Variants in CSNK1E observed in about 807,000 individuals in gnomAD.
CSNK1E encodes casein kinase 1 epsilon, also known as casein kinase I isoform epsilon.
Under a neutral mutation model 46.1 loss-of-function variants are expected in CSNK1E, and 17 were observed. The observed-to-expected ratio is 0.37, with a 90% CI of 0.25 to 0.55. CSNK1E has a LOEUF of 0.55. Ranked by LOEUF, CSNK1E falls within the 20% of genes least tolerant of loss-of-function variation. The pLI, the probability that CSNK1E is intolerant of heterozygous loss-of-function variation, is 0.82. For missense variants in CSNK1E, 386 were observed against 595.4 expected (o/e 0.65, Z 3.66); for synonymous variants, 241 against 242.6 (o/e 0.99, Z 0.06).
chr22:38,302,808 G>A (rs1361132233), intron 4 of CSNK1E, 53 bp downstream of exon 4: 28 of 1,604,138 alleles, frequency 1.7e-5, no homozygotes, highest in Non-Finnish European at 2.1e-5. Context: ...AGGCAGGGCT[G>A]GTATCCTGGG....
chr22:38,308,487 C>T (rs894479076), intron 2 of CSNK1E, among the ~76,000 whole-genome samples: 2 of 152,114 alleles, frequency 1.3e-5, no homozygotes, highest in Non-Finnish European at 2.9e-5. Context: ...CTGACTCGGA[C>T]ATCCCCTGGC....
Position 38,300,683 on chromosome 22 carries a change from G to A in CSNK1E, c.565+41C>T. 6.9e-6 allele frequency: 11 copies of A among 1,589,572 alleles called. No homozygotes were observed. Among genetic ancestry groups the A allele is most frequent in the Non-Finnish European group, 9.5e-6 (11 of 1,160,020 alleles). ...GCTCCAGAGAGCTGGGCCCCAGCCAGTGGCCCCGGGTGCACACTGCTCCAG... is the reference window on the plus strand; with the variant it reads ...GCTCCAGAGAGCTGGGCCCCAGCCAATGGCCCCGGGTGCACACTGCTCCAG... On this transcript the variant is annotated intron_variant, in intron 5 of 10. Transcript: ENST00000396832. This position sits in a 1 kb window ranked among gnomAD's most constrained non-coding sequence, Gnocchi z 4.4.
In CSNK1E at chr22:38,302,904, C is replaced by A. The variant is rs868029992; in HGVS notation, c.293G>T (p.Arg98Leu). Residue 98 changes from arginine to leucine, a missense_variant, in exon 4 of 11, where the codon CGC becomes CTC. Arg to Leu is a moderately radical substitution (Grantham distance 102, BLOSUM62 -2). Coordinates refer to ENST00000396832, the MANE Select transcript of CSNK1E (RefSeq NM_152221.3). ...CAGCACCGTCTTGAGGCTGAATTTG[C>A]GGGAACAGAAGTTGAACAGGTCCTC... The part of the protein sequence containing the change: ...SLEDLFNFCS[R>L]KFSLKTVLLL... 1 of 1,613,992 alleles carries A rather than the reference C, an allele frequency of 6.2e-7. No homozygotes were observed. Among genetic ancestry groups the A allele is most frequent in the African/African-American group, 1.3e-5 (1 of 74,902 alleles).
chr22:38,314,574 G>A (rs1036515695), intron 1 of CSNK1E, among the ~76,000 whole-genome samples: 1 of 152,218 alleles, frequency 6.6e-6, no homozygotes, highest in Admixed American at 6.5e-5. Context: ...ACGCCTTGCA[G>A]GAGAAAGTCG....
rs745813025 is a variant in CSNK1E, at chr22:38,300,815, G to A, written c.474C>T (p.Asp158=). The stretch of plus-strand genomic sequence containing the variant: ...AGGGAATGTGCTGGTGGGTGCGGGC[G>A]TCCCGGTACTTCTTGGCCAGGCCGA... ...IDFGLAKKYR[D]ARTHQHIPYR... is the part of the protein sequence containing the mutation. Residue 158 remains aspartate, a synonymous_variant, in exon 5 of 11, where the codon GAC becomes GAT. Transcript: ENST00000396832. The surrounding 1 kb of genome is among the most constrained non-coding windows in gnomAD (Gnocchi z 4.4). The A allele has an allele frequency of 7.1e-5, 115 of 1,614,134 alleles. 1 individual carries two copies. The South Asian group carries it at 1.0e-3, about 14-fold the overall frequency.
At chr22:38,297,698 C>T (rs2092648267) in intron 7 of CSNK1E, 2 of 994,490 alleles carry the variant, frequency 2.0e-6, no homozygotes, top group Admixed American at 5.6e-5. Flanking sequence ...TCCCACCAGG[C>T]CCCTTGTGGG....
At chr22:38,293,347 GGAGGGAGAGA>G in intron 9 of CSNK1E, 28 bp from the exon 10 acceptor site, 1 of 1,468,638 alleles carries the variant, frequency 6.8e-7, no homozygotes, top group Non-Finnish European at 9.5e-7. Context: ...GGAGAGAGGG[GGAGGGAGAGA>G]GAGGGAGGTA....
intron 7 of CSNK1E, chr22:38,296,409 G>A: frequency 7.0e-7 from 1 of 1,422,136 alleles, no homozygotes; most frequent in African/African-American, 1.4e-5. Flanking sequence ...GCACCCCGGT[G>A]CAGCCAACAA....
chr22:38,303,096 C>T lies in CSNK1E; in HGVS notation c.187+42G>A, dbSNP rs762667988. 1.2e-5 allele frequency: 19 copies of T among 1,595,550 alleles called. No homozygotes were observed. Among genetic ancestry groups the T allele is most frequent in the South Asian group, 5.6e-5 (5 of 89,902 alleles). On this transcript the variant is annotated intron_variant, in intron 3 of 10. Coordinates refer to ENST00000396832, the MANE Select transcript of CSNK1E (RefSeq NM_152221.3). The surrounding 1 kb of genome is among the most constrained non-coding windows in gnomAD (Gnocchi z 4.7). ...CCACCCTGTGCTCATGGCTGCCCAC[C>T]GCCACCCACCCGGCGCCCGCCGCCG... is the stretch of plus-strand genomic sequence containing the variant.
chr22:38,293,474 G>C (rs111272423), intron 9 of CSNK1E, among the ~76,000 whole-genome samples, 155 bp from the exon 10 acceptor site: 2 of 151,464 alleles, frequency 1.3e-5, no homozygotes, highest in African/African-American at 4.9e-5. Flanking sequence ...CCCTCAAGCT[G>C]AGGGAAGGCC....
At chr22:38,293,621 G>A (rs1015556729) in intron 9 of CSNK1E, among the ~76,000 whole-genome samples, 3 of 152,102 alleles carry the variant, frequency 2.0e-5, no homozygotes, top group Non-Finnish European at 4.4e-5. Context: ...GCAGGAGGAC[G>A]AGGGCAGGGC....
At chr22:38,307,135 C>G (rs1019514167) in intron 2 of CSNK1E, among the ~76,000 whole-genome samples, 1 of 152,186 alleles carries the variant, frequency 6.6e-6, no homozygotes, top group African/African-American at 2.4e-5. Context: ...CACACCACCA[C>G]ACTCCAGCCT....
Position 38,298,184 on chromosome 22 carries a change from G to A in CSNK1E, c.885+602C>T. On this transcript the variant is annotated intron_variant, in intron 7 of 10. Coordinates refer to ENST00000396832, the MANE Select transcript of CSNK1E (RefSeq NM_152221.3). This position sits in a 1 kb window ranked among gnomAD's most constrained non-coding sequence, Gnocchi z 4.2. Reference sequence around the variant, plus strand: ...TGTCATGGGGCTGTCACGGGGCTGAGCCTGGCTCGAGGAAGCCCCCTTTTC... The same window carrying A: ...TGTCATGGGGCTGTCACGGGGCTGAACCTGGCTCGAGGAAGCCCCCTTTTC... 1.5e-6 allele frequency: 2 copies of A among 1,303,858 alleles called. No individual in the cohort carries two copies. The highest frequency in any genetic ancestry group is 2.1e-4 in the Middle Eastern group (1 of 4,668). The allele number at this position is 1,303,858 out of a possible 1,614,324, so 80.8% of individuals were successfully genotyped here.
At position 38,303,931 on chromosome 22, in the gene CSNK1E, G is replaced by A. The variant is rs185181949; in HGVS notation, c.77-683C>T. Among the ~76,000 whole-genome samples, 15 of 152,126 alleles carry A rather than the reference G, an allele frequency of 9.9e-5. No individual in the cohort carries two copies. Among genetic ancestry groups the A allele is most frequent in the Admixed American group, 5.2e-4 (8 of 15,270 alleles). ...TCAGAGGTCCTGCCTGCACCTCCCC[G>A]TCTCCCCCAGTCCACTCCTGGCTTC... On this transcript the variant is annotated intron_variant, in intron 2 of 10. Coordinates refer to ENST00000396832, the MANE Select transcript of CSNK1E (RefSeq NM_152221.3). This position sits in a 1 kb window ranked among gnomAD's most constrained non-coding sequence, Gnocchi z 4.7.
intron 1 of CSNK1E, among the ~76,000 whole-genome samples, chr22:38,315,839 C>T (rs892957867): frequency 2.6e-5 from 4 of 152,134 alleles, no homozygotes; most frequent in Admixed American, 2.6e-4. Context: ...AAATATACTG[C>T]ACATGACCCC....
chr22:38,317,403 G>GCCCGCCCGCCCGCCCGCC lies in CSNK1E; in HGVS notation c.-257_-256insGGCGGGCGGGCGGGCGGG. The GCCCGCCCGCCCGCCCGCC allele has an allele frequency of 5.8e-5, 1 of 17,140 alleles. No homozygotes were observed. Among genetic ancestry groups the GCCCGCCCGCCCGCCCGCC allele is most frequent in the Admixed American group, 4.4e-4 (1 of 2,290 alleles). 1.1% of individuals were successfully genotyped at this position (17,140 alleles called of 1,614,324 possible). A position where few individuals can be genotyped will look rare whatever the true frequency, so the allele number is the denominator to read the frequency against. Reference sequence around the variant, plus strand: ...CCTCCTCCCGGCCTCCTGCCCGCCCGCCCGCCCCCGCCGCCGGCTCGCGCG... The same window carrying GCCCGCCCGCCCGCCCGCC: ...CCTCCTCCCGGCCTCCTGCCCGCCCGCCCGCCCGCCCGCCCGCCCCCGCCCCCGCCGCCGGCTCGCGCG... On this transcript the variant is annotated 5_prime_UTR_variant, in exon 1 of 11. Transcript: ENST00000396832.
At chr22:38,310,479 C>A (rs968365089) in intron 2 of CSNK1E, among the ~76,000 whole-genome samples, 1 of 152,172 alleles carries the variant, frequency 6.6e-6, no homozygotes, top group Non-Finnish European at 1.5e-5. Context: ...GCAGCAGCAG[C>A]GGCGGCAACC....
In CSNK1E at chr22:38,300,705, C is replaced by A. The variant is rs762304485; in HGVS notation, c.565+19G>T. On this transcript the variant is annotated intron_variant, in intron 5 of 10. Transcript: ENST00000396832. The surrounding 1 kb of genome is among the most constrained non-coding windows in gnomAD (Gnocchi z 4.4). ...CCAGTGGCCCCGGGTGCACACTGCTCCAGGCCTGGCTCCCTCACCAATGCC... is the reference window on the plus strand; with the variant it reads ...CCAGTGGCCCCGGGTGCACACTGCTACAGGCCTGGCTCCCTCACCAATGCC... The A allele has an allele frequency of 2.5e-6, 4 of 1,612,270 alleles. No individual in the cohort carries two copies. The highest frequency in any genetic ancestry group is 3.4e-6 in the Non-Finnish European group (4 of 1,178,566).
intron 6 of CSNK1E, among the ~76,000 whole-genome samples, chr22:38,299,226 G>A (rs137949387): frequency 0.015 from 2,331 of 152,294 alleles, 88 homozygotes; most frequent in Admixed American, 0.11. Flanking sequence ...CAGCTCTTCC[G>A]CTGCCCTCGC....
Sources: gnomAD v4.1 joint callset for allele counts (sites outside exome capture counted in the v4.1 genomes callset) on GRCh38, gnomAD v4.1.1 for gene constraint, Gnocchi (gnomAD v3.1) non-coding constraint, MANE v1.5 for transcripts, NCBI Gene and HGNC (gene_info 2026-07-23, HGNC 2026-07-21) for gene names.